The following TMEM150C variants were observed in gnomAD, a reference collection of about 807,000 sequenced individuals.
The protein encoded by TMEM150C is transmembrane protein 150C.
TMEM150C carries 10 observed loss-of-function variants against 29.9 expected under a neutral mutation model. The ratio of observed to expected loss-of-function variants is 0.33; its 90% confidence interval spans 0.21 to 0.57. The LOEUF (loss-of-function observed/expected upper bound fraction) is 0.57. TMEM150C is among the 20% of genes least tolerant of loss of function. The probability of loss-of-function intolerance (pLI) is 0.88; values close to 1 mark genes in which losing one functional copy is unlikely to be tolerated. For synonymous variants in TMEM150C, 101 were observed against 112.5 expected (o/e 0.90, Z 0.64); for missense variants, 251 against 303.6 (o/e 0.83, Z 1.29).
In TMEM150C at chr4:82,496,054, G is replaced by A; in HGVS notation, c.363+14C>T. The A allele has an allele frequency of 1.2e-6, 2 of 1,613,884 alleles. No individual in the cohort carries two copies. The highest frequency in any genetic ancestry group is 2.2e-5 in the South Asian group (2 of 91,064). On this transcript the variant is annotated intron_variant, in intron 6 of 7. Transcript: ENST00000449862. ...CCAGTGTCAGAGGGAGGTGAAAAAG[G>A]CCAAATCAAGTACCTGAAAATTACC...
intron 1 of TMEM150C, among the ~76,000 whole-genome samples, chr4:82,508,459 T>C (rs1037827237): frequency 6.6e-6 from 1 of 151,682 alleles, no homozygotes; most frequent in African/African-American, 2.4e-5. Flanking sequence ...ATCTTTACAT[T>C]CTGAATTGTG....
chr4:82,511,533 G>A (rs1335564995), intron 1 of TMEM150C, among the ~76,000 whole-genome samples: 1 of 145,272 alleles, frequency 6.9e-6, no homozygotes, highest in South Asian at 2.1e-4. Context: ...GGAGTGCAGT[G>A]GCATGATCAT....
At chr4:82,510,536 C>G (rs1724089886) in intron 1 of TMEM150C, among the ~76,000 whole-genome samples, 1 of 152,110 alleles carries the variant, frequency 6.6e-6, no homozygotes, top group Non-Finnish European at 1.5e-5. Flanking sequence ...GCCTCAGTTT[C>G]TTCATCAGCA....
At chr4:82,508,426 C>T (rs771185214) in intron 1 of TMEM150C, among the ~76,000 whole-genome samples, 27 of 152,026 alleles carry the variant, frequency 1.8e-4, no homozygotes, top group Non-Finnish European at 3.5e-4. Context: ...TATAGGCATG[C>T]ACCGCCACAC....
intron 6 of TMEM150C, among the ~76,000 whole-genome samples, chr4:82,492,866 A>ATATATATATATATATATATATATG (rs1723412627): frequency 3.6e-5 from 3 of 83,476 alleles, no homozygotes; most frequent in African/African-American, 1.9e-4. Context: ...ATGTTTGTGT[A>ATATATATATATATATATATATATG]TATATATATA....
chr4:82,515,036 T>G (rs1014092542), intron 1 of TMEM150C, among the ~76,000 whole-genome samples: 6 of 152,236 alleles, frequency 3.9e-5, no homozygotes, highest in Non-Finnish European at 5.9e-5. Context: ...CTATTCTCTA[T>G]AAAAATGACA....
intron 1 of TMEM150C, among the ~76,000 whole-genome samples, chr4:82,559,345 G>C (rs1725842534): frequency 6.7e-6 from 1 of 149,420 alleles, no homozygotes; most frequent in African/African-American, 2.5e-5. Flanking sequence ...AAGAATTCAA[G>C]ACCAGCCTGA....
chr4:82,486,335 TAAAAAAAAAAAA>T (rs527967958), intron 7 of TMEM150C, among the ~76,000 whole-genome samples: 6 of 51,302 alleles, frequency 1.2e-4, no homozygotes, highest in Middle Eastern at 0.014. Context: ...GACTCCATCT[TAAAAAAAAAAAA>T]AAAAAAAAAA....
intron 1 of TMEM150C, among the ~76,000 whole-genome samples, chr4:82,523,019 A>G (rs1375200929): frequency 1.3e-5 from 2 of 152,180 alleles, no homozygotes; most frequent in Non-Finnish European, 2.9e-5. Flanking sequence ...AGCCCTGACC[A>G]AAGTTTAGTC....
intron 1 of TMEM150C, among the ~76,000 whole-genome samples, chr4:82,546,599 C>A (rs571108286): frequency 2.6e-5 from 4 of 152,022 alleles, no homozygotes; most frequent in Non-Finnish European, 4.4e-5. Flanking sequence ...GAGGCCGAGG[C>A]GGGCAGATTA....
intron 1 of TMEM150C, among the ~76,000 whole-genome samples, chr4:82,519,758 A>G (rs1456964684): frequency 6.6e-6 from 1 of 152,222 alleles, no homozygotes; most frequent in Non-Finnish European, 1.5e-5. Context: ...CATGCATAAG[A>G]TAAAGTTTAA....
At chr4:82,550,903 G>A (rs1725557553) in intron 1 of TMEM150C, among the ~76,000 whole-genome samples, 1 of 152,164 alleles carries the variant, frequency 6.6e-6, no homozygotes, top group African/African-American at 2.4e-5. Context: ...AGATTTCTGA[G>A]GTGAAAAAAT....
chr4:82,531,870 A>G (rs1372912919), intron 1 of TMEM150C, among the ~76,000 whole-genome samples: 3 of 152,190 alleles, frequency 2.0e-5, no homozygotes, highest in Non-Finnish European at 4.4e-5. Flanking sequence ...AACAATGTCA[A>G]ATGTCCTTAG....
At chr4:82,518,673 C>T (rs927794477) in intron 1 of TMEM150C, among the ~76,000 whole-genome samples, 8 of 152,320 alleles carry the variant, frequency 5.3e-5, no homozygotes, top group Admixed American at 1.3e-4. Flanking sequence ...CCTAGACCAG[C>T]AGGCTCCTCC....
At chr4:82,497,502 G>A (rs1000686318) in intron 5 of TMEM150C, among the ~76,000 whole-genome samples, 1 of 152,146 alleles carries the variant, frequency 6.6e-6, no homozygotes, top group South Asian at 2.1e-4. Flanking sequence ...ATGGCTTTAA[G>A]CTTGATAAGT....
At chr4:82,537,912 G>C (rs1234097022) in intron 1 of TMEM150C, among the ~76,000 whole-genome samples, 2 of 152,154 alleles carry the variant, frequency 1.3e-5, no homozygotes, top group Non-Finnish European at 2.9e-5. Context: ...CCGGCCTCCA[G>C]GACTGTGAAA....
chr4:82,505,950 G>A (rs1723906211), intron 1 of TMEM150C, among the ~76,000 whole-genome samples: 1 of 152,140 alleles, frequency 6.6e-6, no homozygotes, highest in Non-Finnish European at 1.5e-5. Context: ...AAAAACACCT[G>A]TTCTAAGGAA....
At chr4:82,512,544 C>T in intron 1 of TMEM150C, among the ~76,000 whole-genome samples, 1 of 152,150 alleles carries the variant, frequency 6.6e-6, no homozygotes, top group Middle Eastern at 3.2e-3. Context: ...TGAGTAAGTT[C>T]TCTCCAATGG....
intron 1 of TMEM150C, among the ~76,000 whole-genome samples, chr4:82,520,938 C>T (rs191707412): frequency 7.5e-4 from 114 of 152,296 alleles, no homozygotes; most frequent in Non-Finnish European, 1.2e-3. Context: ...GCAACCGTCC[C>T]TTCCTCTCTG....
Sources: gnomAD v4.1 joint callset for allele counts (sites outside exome capture counted in the v4.1 genomes callset) on GRCh38, gnomAD v4.1.1 for gene constraint, MANE v1.5 for transcripts, NCBI Gene and HGNC (gene_info 2026-07-23, HGNC 2026-07-21) for gene names.